The following FOXP1 variants were observed in gnomAD, a reference collection of about 807,000 sequenced individuals.
FOXP1 encodes forkhead box P1.
In FOXP1, 15 loss-of-function variants were observed where a neutral mutation model predicts 98.2. The ratio of observed to expected loss-of-function variants is 0.15; its 90% confidence interval spans 0.10 to 0.24. The LOEUF is 0.24. Among genes scored for constraint, FOXP1 ranks in the 10% least tolerant of loss-of-function variants. The pLI is 1.00. For missense variants in FOXP1, 633 were observed against 848.5 expected (o/e 0.75, Z 3.15); for synonymous variants, 371 against 314.5 (o/e 1.18, Z -1.90).
intron 7 of FOXP1, among the ~76,000 whole-genome samples, chr3:71,054,403 C>T (rs2050329888): frequency 6.6e-6 from 1 of 152,216 alleles, no homozygotes; most frequent in Non-Finnish European, 1.5e-5. Context: ...CAGTGACAAA[C>T]AGCTACAGTG....
chr3:71,165,828 G>C (rs1434984625), intron 6 of FOXP1, among the ~76,000 whole-genome samples: 1 of 152,090 alleles, frequency 6.6e-6, no homozygotes, highest in African/African-American at 2.4e-5. Flanking sequence ...AGGTGAGGCA[G>C]GCAACAGGCT....
rs532628070 is a variant in FOXP1, at chr3:71,281,059, A to AG, written c.-12+18760_-12+18761insC. On this transcript the variant is annotated intron_variant, in intron 5 of 20. Coordinates refer to ENST00000649528, the MANE Select transcript of FOXP1 (RefSeq NM_001349338.3). ...CTCTACAAAAAAAAAAAAAAAAAAA[A>AG]AAGAAGAAGAAGAAGAAAAAGTAGC... Among the ~76,000 whole-genome samples, 90 of 148,412 alleles carry AG rather than the reference A, an allele frequency of 6.1e-4. No individual in the cohort carries two copies. In the East Asian group the frequency reaches 0.017, roughly 27 times the overall value.
At chr3:70,980,418 C>A (rs376759845) in intron 14 of FOXP1, among the ~76,000 whole-genome samples, 1 of 152,090 alleles carries the variant, frequency 6.6e-6, no homozygotes, top group East Asian at 1.9e-4. Context: ...GTTTTAAAAC[C>A]ACCTGCCACT....
chr3:71,026,425 A>AG lies in FOXP1; in HGVS notation c.870-10773_870-10772insC, dbSNP rs573976249. On this transcript the variant is annotated intron_variant, in intron 11 of 20. Coordinates refer to ENST00000649528, the MANE Select transcript of FOXP1 (RefSeq NM_001349338.3). Reference sequence around the variant, plus strand: ...CGCAGGTTGACACTGACAAAGTAGCAAGTCTCTGAAGACGTACTTTAATTT... The same window carrying AG: ...CGCAGGTTGACACTGACAAAGTAGCAGAGTCTCTGAAGACGTACTTTAATTT... Among the ~76,000 whole-genome samples, 7 of 152,302 alleles carry AG rather than the reference A, an allele frequency of 4.6e-5. No homozygotes were observed. In the South Asian group the frequency reaches 1.5e-3, roughly 32 times the overall value.
chr3:71,364,999 C>G (rs1577146561), intron 3 of FOXP1, among the ~76,000 whole-genome samples: 1 of 152,172 alleles, frequency 6.6e-6, no homozygotes, highest in East Asian at 1.9e-4. Context: ...CCACAGCTCT[C>G]TATTGCAACT....
intron 4 of FOXP1, among the ~76,000 whole-genome samples, chr3:71,339,467 A>G (rs1426710013): frequency 2.0e-5 from 3 of 152,184 alleles, no homozygotes; most frequent in African/African-American, 7.2e-5. Flanking sequence ...CTCCTGGAGG[A>G]GTCTCCTCTC....
At chr3:71,510,968 C>G (rs1212702720) in intron 2 of FOXP1, among the ~76,000 whole-genome samples, 1 of 152,160 alleles carries the variant, frequency 6.6e-6, no homozygotes, top group Admixed American at 6.6e-5. Context: ...TTATTAAACA[C>G]CCCATTATGT....
At chr3:71,227,244 A>G (rs1038291306) in intron 5 of FOXP1, among the ~76,000 whole-genome samples, 1 of 152,180 alleles carries the variant, frequency 6.6e-6, no homozygotes, top group South Asian at 2.1e-4. Flanking sequence ...TCCCCTTCCC[A>G]CACAACTCTA....
At chr3:71,313,360 A>G (rs1384650033) in intron 4 of FOXP1, among the ~76,000 whole-genome samples, 2 of 151,756 alleles carry the variant, frequency 1.3e-5, no homozygotes, top group Non-Finnish European at 2.9e-5. Context: ...CGCCCGGCCA[A>G]GCTAATTATT....
At chr3:71,350,019 T>C (rs913601692) in intron 4 of FOXP1, among the ~76,000 whole-genome samples, 2 of 152,218 alleles carry the variant, frequency 1.3e-5, no homozygotes, top group East Asian at 1.9e-4. Context: ...ACTGAAGTTT[T>C]TCCCAAGAAG....
At chr3:70,986,785 T>G (rs2039814457) in intron 14 of FOXP1, among the ~76,000 whole-genome samples, 1 of 152,182 alleles carries the variant, frequency 6.6e-6, no homozygotes, top group Non-Finnish European at 1.5e-5. Flanking sequence ...TCCTTCCTGG[T>G]AAAAATGGAT....
chr3:71,500,268 C>A (rs1002703248), intron 2 of FOXP1, among the ~76,000 whole-genome samples: 5 of 152,254 alleles, frequency 3.3e-5, no homozygotes, highest in African/African-American at 1.2e-4. Flanking sequence ...TTTTCTAGCT[C>A]TGAGGCTCAA....
Position 71,236,613 on chromosome 3 carries a change from T to C in FOXP1, c.-11-38221A>G, listed in dbSNP as rs535349865. Among the ~76,000 whole-genome samples, 486 of 152,300 alleles carry C rather than the reference T, an allele frequency of 3.2e-3. 4 individuals are homozygous for C. The highest frequency in any genetic ancestry group is 0.011 in the African/African-American group (465 of 41,576). ...GGCTGGGTGTAGTGGCTCACACCTG[T>C]AATCCCAACACTTTGGGAGGACAAG... On this transcript the variant is annotated intron_variant, in intron 5 of 20. Coordinates refer to ENST00000649528, the MANE Select transcript of FOXP1 (RefSeq NM_001349338.3).
At chr3:71,248,201 T>C (rs2067900396) in intron 5 of FOXP1, among the ~76,000 whole-genome samples, 1 of 152,232 alleles carries the variant, frequency 6.6e-6, no homozygotes, top group African/African-American at 2.4e-5. Flanking sequence ...TAGTGTTCTA[T>C]ATGTAGCTCT....
intron 11 of FOXP1, among the ~76,000 whole-genome samples, chr3:71,021,314 C>T (rs2107794376): frequency 6.6e-6 from 1 of 152,322 alleles, no homozygotes; most frequent in East Asian, 1.9e-4. Context: ...TTATGCCTGG[C>T]TTCTTTCACT....
chr3:71,362,473 A>T (rs965084363), intron 3 of FOXP1, among the ~76,000 whole-genome samples: 6 of 151,956 alleles, frequency 3.9e-5, no homozygotes, highest in African/African-American at 1.4e-4. Flanking sequence ...GCCCAGCCCT[A>T]TTATTTACTT....
intron 7 of FOXP1, among the ~76,000 whole-genome samples, chr3:71,065,081 CCGCGCCCG>C (rs956235997): frequency 6.8e-6 from 1 of 148,084 alleles, no homozygotes; most frequent in Admixed American, 6.7e-5. Context: ...GGCCCGCGCC[CCGCGCCCG>C]CGCGCCCCGG....
In FOXP1 at chr3:71,352,462, C is replaced by T. The variant is rs571369489; in HGVS notation, c.-73+6688G>A. Among the ~76,000 whole-genome samples the T allele has an allele frequency of 2.4e-4, 26 of 109,440 alleles. No individual in the cohort carries two copies. The East Asian group carries it at 7.3e-3, about 31-fold the overall frequency. The allele number at this position is 109,440 out of a possible 152,430, so 71.8% of individuals were successfully genotyped here. A position where few individuals can be genotyped will look rare whatever the true frequency, so the allele number is the denominator to read the frequency against. On this transcript the variant is annotated intron_variant, in intron 4 of 20. Coordinates refer to ENST00000649528, the MANE Select transcript of FOXP1 (RefSeq NM_001349338.3). ...CTTCAGCCTGGGCAACAGAGCGAGACTCCATCTCAAAAAAAAAAAAAAAAA... is the reference window on the plus strand; with the variant it reads ...CTTCAGCCTGGGCAACAGAGCGAGATTCCATCTCAAAAAAAAAAAAAAAAA...
At chr3:71,144,122 C>T (rs758475495) in intron 6 of FOXP1, among the ~76,000 whole-genome samples, 3 of 152,072 alleles carry the variant, frequency 2.0e-5, no homozygotes, top group Admixed American at 6.5e-5. Context: ...CCAGCAAAGA[C>T]GATTCCCCTG....
Sources: gnomAD v4.1 joint callset for allele counts (sites outside exome capture counted in the v4.1 genomes callset) on GRCh38, gnomAD v4.1.1 for gene constraint, MANE v1.5 for transcripts, NCBI Gene and HGNC (gene_info 2026-07-23, HGNC 2026-07-21) for gene names.